The following ADAM7 variants were observed in gnomAD, a reference collection of about 807,000 sequenced individuals.
The protein encoded by ADAM7 is ADAM metallopeptidase domain 7.
In ADAM7, 97 loss-of-function variants were observed where a neutral mutation model predicts 102.9. That is an observed-to-expected ratio of 0.94 (90% CI 0.80 to 1.12). The LOEUF is 1.12. Ranked by LOEUF, ADAM7 falls within the 50% of genes most tolerant of loss-of-function variation. The pLI, the probability that ADAM7 is intolerant of heterozygous loss-of-function variation, is 0.00. For missense variants in ADAM7, 991 were observed against 908.7 expected (o/e 1.09, Z -1.16); for synonymous variants, 334 against 304.4 (o/e 1.10, Z -1.01).
At chr8:24,475,910 C>T (rs1416897168) in intron 7 of ADAM7, 5 of 456,258 alleles carry the variant, frequency 1.1e-5, no homozygotes, top group African/African-American at 2.0e-5. Flanking sequence ...GTCTGGTTTG[C>T]CCTCGTAGCT....
chr8:24,471,357 A>G (rs1819596558), intron 7 of ADAM7, among the ~76,000 whole-genome samples: 1 of 152,070 alleles, frequency 6.6e-6, no homozygotes, highest in Admixed American at 6.6e-5. Flanking sequence ...GGGTACAGTA[A>G]TGTCCTAGGC....
intron 9 of ADAM7, among the ~76,000 whole-genome samples, chr8:24,482,927 A>G (rs1820010253): frequency 6.6e-6 from 1 of 152,146 alleles, no homozygotes; most frequent in African/African-American, 2.4e-5. Context: ...ATCCAGTGCT[A>G]ACTCCTCTCG....
chr8:24,493,063 T>C lies in ADAM7; in HGVS notation c.1676T>C (p.Ile559Thr). 1 of 1,595,098 alleles carries C rather than the reference T, an allele frequency of 6.3e-7. No homozygotes were observed. Among genetic ancestry groups the C allele is most frequent in the Non-Finnish European group, 8.5e-7 (1 of 1,173,854 alleles). ...TTCAGAGATGTCAGATGTGGAAAGATCTACTGCACTGGAGGGGAGCTTTCC... is the reference window on the plus strand; with the variant it reads ...TTCAGAGATGTCAGATGTGGAAAGACCTACTGCACTGGAGGGGAGCTTTCC... The part of the protein sequence containing the change: ...CEEKDVRCGK[I>T]YCTGGELSSL... Residue 559 changes from isoleucine to threonine, a missense_variant, in exon 16 of 22, where the codon ATC (isoleucine) becomes ACC (threonine). Coordinates refer to ENST00000175238, the MANE Select transcript of ADAM7 (RefSeq NM_003817.4).
chr8:24,501,355 A>C, intron 19 of ADAM7, 122 bp from the exon 20 acceptor site: 1 of 668,064 alleles, frequency 1.5e-6, no homozygotes, highest in East Asian at 3.0e-5. Context: ...CAATATATTT[A>C]ACATTGTAAT....
intron 8 of ADAM7, among the ~76,000 whole-genome samples, chr8:24,479,411 C>T (rs897356055): frequency 1.3e-5 from 2 of 152,102 alleles, no homozygotes; most frequent in African/African-American, 2.4e-5. Flanking sequence ...AGCTGTAATA[C>T]ATTTTAATTT....
chr8:24,453,279 C>T (rs949286825), intron 3 of ADAM7, among the ~76,000 whole-genome samples: 9 of 152,162 alleles, frequency 5.9e-5, no homozygotes, highest in Non-Finnish European at 8.8e-5. Context: ...CCATCAGTTT[C>T]AGGTACACCA....
rs746997318 is a variant in ADAM7, at chr8:24,441,059, G to A, written c.-50G>A. The stretch of plus-strand genomic sequence containing the variant: ...AGTGGAAGTGAGGAGGAAGAAAGGT[G>A]AACTCCTTTTCTCAAGCACTTCTGC... On this transcript the variant is annotated 5_prime_UTR_variant, in exon 1 of 22. Coordinates refer to ENST00000175238, the MANE Select transcript of ADAM7 (RefSeq NM_003817.4). 1.5e-5 allele frequency: 23 copies of A among 1,546,786 alleles called. No individual in the cohort carries two copies. Among genetic ancestry groups the A allele is most frequent in the Non-Finnish European group, 2.0e-5 (22 of 1,119,246 alleles).
In ADAM7 at chr8:24,492,066, G is replaced by C. The variant is rs761425222; in HGVS notation, c.1520G>C (p.Arg507Pro). The change falls in exon 14 of 22, where the codon CGT becomes CCT. Residue 507 changes from arginine to proline, a missense_variant. Transcript: ENST00000175238. ...TGTTTCATGGGGAAATGTCCAACTC[G>C]TGAGGATCAGTGCTCTGAACTATTT... ...GYCFMGKCPTREDQCSELFDD... is the reference protein window; with the variant it reads ...GYCFMGKCPTPEDQCSELFDD... The C allele has an allele frequency of 3.1e-6, 5 of 1,613,578 alleles. No homozygotes were observed. In the Admixed American group the frequency reaches 8.3e-5, roughly 27 times the overall value.
chr8:24,444,610 T>C (rs1200741529), intron 2 of ADAM7, among the ~76,000 whole-genome samples: 4 of 151,178 alleles, frequency 2.6e-5, no homozygotes, highest in African/African-American at 9.7e-5. Flanking sequence ...GAGAAAAATA[T>C]CAGAACAAAA....
intron 6 of ADAM7, among the ~76,000 whole-genome samples, chr8:24,468,210 G>C (rs1262891947): frequency 6.6e-6 from 1 of 151,904 alleles, no homozygotes; most frequent in Non-Finnish European, 1.5e-5. Context: ...AGTCCTGTTG[G>C]TCCACACTAT....
At chr8:24,466,574 T>C (rs1240070404) in intron 5 of ADAM7, among the ~76,000 whole-genome samples, 34 of 152,182 alleles carry the variant, frequency 2.2e-4, no homozygotes, top group Admixed American at 2.2e-3. Context: ...AAAGCAGATA[T>C]TGGACTGTGA....
intron 4 of ADAM7, among the ~76,000 whole-genome samples, chr8:24,464,590 G>T (rs551417912): frequency 4.6e-5 from 7 of 152,138 alleles, no homozygotes; most frequent in Admixed American, 4.6e-4. Flanking sequence ...TCCATTTAAA[G>T]CAATGGTGAA....
At chr8:24,483,882 A>G (rs1820045021) in intron 9 of ADAM7, among the ~76,000 whole-genome samples, 1 of 152,216 alleles carries the variant, frequency 6.6e-6, no homozygotes, top group African/African-American at 2.4e-5. Flanking sequence ...GATTCTAACC[A>G]GTAGCTTCTC....
At chr8:24,492,346 G>A (rs1449146175) in intron 14 of ADAM7, 149 bp from the exon 15 acceptor site, 9 of 689,162 alleles carry the variant, frequency 1.3e-5, no homozygotes, top group Non-Finnish European at 2.1e-5. Flanking sequence ...ATTCTCCTGA[G>A]GCAATAGGAT....
rs778370899 is a variant in ADAM7, at chr8:24,507,451, C to T, written c.2209-29C>T. The T allele has an allele frequency of 8.2e-6, 13 of 1,578,056 alleles. No individual in the cohort carries two copies. In the South Asian group the frequency reaches 1.3e-4, roughly 16 times the overall value. On this transcript the variant is annotated intron_variant, in intron 20 of 21. Coordinates refer to ENST00000175238, the MANE Select transcript of ADAM7 (RefSeq NM_003817.4). ...CATGCGTGTAACATCTGATGTGGCACATGATACAACATAATTTATTTATTA... is the reference window on the plus strand; with the variant it reads ...CATGCGTGTAACATCTGATGTGGCATATGATACAACATAATTTATTTATTA...
chr8:24,465,201 C>A (rs922940555), intron 4 of ADAM7, among the ~76,000 whole-genome samples: 5 of 151,964 alleles, frequency 3.3e-5, no homozygotes, highest in Non-Finnish European at 7.4e-5. Context: ...GGTGTGAGGT[C>A]CCTGGAAGAC....
intron 11 of ADAM7, among the ~76,000 whole-genome samples, chr8:24,488,005 G>A (rs1384669354): frequency 6.6e-6 from 1 of 152,080 alleles, no homozygotes; most frequent in African/African-American, 2.4e-5. Context: ...TCCCACCGAT[G>A]TTTTCCCTGG....
chr8:24,479,276 T>C (rs943826978), intron 8 of ADAM7, among the ~76,000 whole-genome samples: 1 of 152,160 alleles, frequency 6.6e-6, no homozygotes, highest in Non-Finnish European at 1.5e-5. Context: ...TTTCTCAGTG[T>C]TCATTTTCCT....
intron 6 of ADAM7, 169 bp downstream of exon 6, chr8:24,467,157 G>T (rs1819455196): frequency 1.6e-6 from 1 of 637,654 alleles, no homozygotes; most frequent in Non-Finnish European, 2.7e-6. Flanking sequence ...TGTAAAAAGT[G>T]TTTATTTCAT....
Sources: allele counts gnomAD v4.1 joint callset (sites outside exome capture counted in the v4.1 genomes callset), GRCh38; gene constraint gnomAD v4.1.1; transcripts MANE v1.5; gene names NCBI Gene and HGNC (gene_info 2026-07-23, HGNC 2026-07-21).